Variants in CCSER1 observed in about 807,000 individuals in gnomAD.
The protein encoded by CCSER1 is serine-rich coiled-coil domain-containing protein 1.
Under a neutral mutation model 82.0 loss-of-function variants are expected in CCSER1, and 41 were observed. The observed-to-expected ratio is 0.50, with a 90% CI of 0.39 to 0.65. The LOEUF (loss-of-function observed/expected upper bound fraction) is 0.65, where lower values mean the gene tolerates loss of function less well. CCSER1 is among the 30% of genes least tolerant of loss of function. The pLI, the probability that CCSER1 is intolerant of heterozygous loss-of-function variation, is 0.00. For synonymous variants in CCSER1, 414 were observed against 383.9 expected (o/e 1.08, Z -0.92); for missense variants, 1,119 against 1,064.2 (o/e 1.05, Z -0.72).
At chr4:91,188,981 T>C (rs1274772905) in intron 10 of CCSER1, among the ~76,000 whole-genome samples, 1 of 152,110 alleles carries the variant, frequency 6.6e-6, no homozygotes, top group African/African-American at 2.4e-5. Context: ...GAGTTATAAA[T>C]AGAATTAATT....
intron 10 of CCSER1, among the ~76,000 whole-genome samples, chr4:91,296,483 A>ATATATATATATATATATTTATT (rs1175690764): frequency 0.011 from 1,379 of 123,138 alleles, 72 homozygotes; most frequent in Non-Finnish European, 0.013. Flanking sequence ...ATATATATAT[A>ATATATATATATATATATTTATT]TATTTTAATT....
chr4:90,452,605 T>C (rs999339552), intron 4 of CCSER1, among the ~76,000 whole-genome samples: 2 of 152,208 alleles, frequency 1.3e-5, no homozygotes, highest in African/African-American at 4.8e-5. Flanking sequence ...GGAACTCCCA[T>C]GGCCATTGCC....
chr4:91,468,389 A>T (rs1757059011), intron 10 of CCSER1, among the ~76,000 whole-genome samples: 2 of 152,132 alleles, frequency 1.3e-5, no homozygotes, highest in South Asian at 4.1e-4. Context: ...GCATTAGGAG[A>T]TATACCTAAT....
At chr4:90,322,983 C>G (rs901647998) in intron 3 of CCSER1, among the ~76,000 whole-genome samples, 1 of 152,162 alleles carries the variant, frequency 6.6e-6, no homozygotes, top group Non-Finnish European at 1.5e-5. Context: ...ATGGTGAATC[C>G]TGCCAGGTCT....
chr4:90,946,991 C>T (rs942534416), intron 9 of CCSER1, among the ~76,000 whole-genome samples: 1 of 151,660 alleles, frequency 6.6e-6, no homozygotes, highest in Non-Finnish European at 1.5e-5. Flanking sequence ...ACTGGTGGAA[C>T]AATCCTCCTC....
chr4:91,475,696 T>C (rs895433494), intron 10 of CCSER1, among the ~76,000 whole-genome samples: 3 of 151,890 alleles, frequency 2.0e-5, no homozygotes, highest in Non-Finnish European at 4.4e-5. Context: ...AAATATACTA[T>C]AAATTCTTGT....
At chr4:90,782,681 C>CTTTTTTTTTTTTTTTTTTTTTTTTTTT (rs200701722) in intron 7 of CCSER1, among the ~76,000 whole-genome samples, 1 of 123,978 alleles carries the variant, frequency 8.1e-6, no homozygotes. Flanking sequence ...TCTTTTCTTT[C>CTTTTTTTTTTTTTTTTTTTTTTTTTTT]TTTCTTTTTT....
At chr4:90,664,943 T>C (rs1159957501) in intron 6 of CCSER1, among the ~76,000 whole-genome samples, 1 of 152,194 alleles carries the variant, frequency 6.6e-6, no homozygotes, top group Non-Finnish European at 1.5e-5. Flanking sequence ...AATAAATTTT[T>C]GGCGTAAAGT....
intron 10 of CCSER1, among the ~76,000 whole-genome samples, chr4:91,218,267 G>C (rs1023720025): frequency 1.3e-5 from 2 of 152,196 alleles, no homozygotes; most frequent in Admixed American, 1.3e-4. Flanking sequence ...CTCCGAGAGC[G>C]GGGCCCACCA....
chr4:90,614,531 A>G (rs1720848779), intron 5 of CCSER1, among the ~76,000 whole-genome samples: 1 of 152,204 alleles, frequency 6.6e-6, no homozygotes, highest in Non-Finnish European at 1.5e-5. Context: ...ATTATAAGAA[A>G]ATAAAACAGC....
At chr4:90,616,886 C>T (rs541164762) in intron 5 of CCSER1, among the ~76,000 whole-genome samples, 1 of 152,088 alleles carries the variant, frequency 6.6e-6, no homozygotes, top group East Asian at 1.9e-4. Context: ...GCTTAAGAAG[C>T]TTATCGAGGA....
At chr4:90,712,203 C>T (rs887782572) in intron 6 of CCSER1, among the ~76,000 whole-genome samples, 2 of 151,838 alleles carry the variant, frequency 1.3e-5, no homozygotes, top group African/African-American at 2.4e-5. Flanking sequence ...TTTATTTGCT[C>T]TTGGTTCTCT....
chr4:90,800,270 C>T (rs1490572171), intron 7 of CCSER1, among the ~76,000 whole-genome samples: 2 of 151,812 alleles, frequency 1.3e-5, no homozygotes, highest in South Asian at 2.1e-4. Context: ...TTCTTCTTAT[C>T]ATTATTATTT....
At chr4:90,866,685 C>T (rs1188684100) in intron 8 of CCSER1, among the ~76,000 whole-genome samples, 5 of 152,090 alleles carry the variant, frequency 3.3e-5, no homozygotes, top group African/African-American at 1.2e-4. Context: ...ATAAAAACCA[C>T]TTCCACTTCA....
At chr4:90,752,529 T>G (rs1748829965) in intron 7 of CCSER1, among the ~76,000 whole-genome samples, 1 of 152,070 alleles carries the variant, frequency 6.6e-6, no homozygotes, top group Non-Finnish European at 1.5e-5. Context: ...TATTACAAAT[T>G]TTGGTGCTCT....
intron 8 of CCSER1, among the ~76,000 whole-genome samples, chr4:90,912,501 CAA>C (rs368261941): frequency 6.6e-6 from 1 of 152,086 alleles, no homozygotes; most frequent in African/African-American, 2.4e-5. Flanking sequence ...TCACCATCAT[CAA>C]AGACAAAAGG....
chr4:91,460,330 C>T (rs747246714), intron 10 of CCSER1, among the ~76,000 whole-genome samples: 9 of 152,040 alleles, frequency 5.9e-5, no homozygotes, highest in Non-Finnish European at 1.2e-4. Context: ...TTTCGGCATC[C>T]AGCCAGCAGA....
At chr4:91,251,293 GGAGA>G (rs1192621757) in intron 10 of CCSER1, among the ~76,000 whole-genome samples, 1 of 152,088 alleles carries the variant, frequency 6.6e-6, no homozygotes, top group African/African-American at 2.4e-5. Context: ...TTCACATGGT[GGAGA>G]GAAAGATCAT....
At chr4:91,036,133 G>T (rs1741412199) in intron 9 of CCSER1, among the ~76,000 whole-genome samples, 1 of 152,200 alleles carries the variant, frequency 6.6e-6, no homozygotes, top group South Asian at 2.1e-4. Context: ...GCTGAGGACA[G>T]AGATGCTAAA....
Sources: allele counts gnomAD v4.1 joint callset (sites outside exome capture counted in the v4.1 genomes callset), GRCh38; gene constraint gnomAD v4.1.1; transcripts MANE v1.5; gene names NCBI Gene and HGNC (gene_info 2026-07-23, HGNC 2026-07-21).